Variants in COL5A2 observed in about 807,000 individuals in gnomAD.
COL5A2 encodes the protein collagen type V alpha 2 chain.
Under a neutral mutation model 208.2 loss-of-function variants are expected in COL5A2, and 23 were observed. The ratio of observed to expected loss-of-function variants is 0.11; its 90% CI spans 0.08 to 0.16. COL5A2 has a LOEUF of 0.16. Ranked by LOEUF, COL5A2 falls within the 10% of genes least tolerant of loss-of-function variation. The pLI is 1.00. For synonymous variants in COL5A2, 625 were observed against 628.5 expected (o/e 0.99, Z 0.08); for missense variants, 1,590 against 1,956.4 (o/e 0.81, Z 3.53).
At chr2:189,361,017 G>A in the COL5A2 span, among the ~76,000 whole-genome samples, 2 of 150,130 alleles carry the variant, frequency 1.3e-5, no homozygotes, top group Admixed American at 6.6e-5. Flanking sequence ...GTGACATGCC[G>A]TGTGGTCTGT....
chr2:189,242,596 A>G, the COL5A2 span, among the ~76,000 whole-genome samples: 93 of 150,596 alleles, frequency 6.2e-4, no homozygotes, highest in Non-Finnish European at 9.6e-4. Context: ...GTCTAACTCA[A>G]GTTTTGCTTC....
In COL5A2 at chr2:189,042,748, G is replaced by C. The variant is rs779028940; in HGVS notation, c.3497C>G (p.Ala1166Gly). 1.9e-6 allele frequency: 3 copies of C among 1,607,644 alleles called. No homozygotes were observed. In the East Asian group the frequency reaches 6.7e-5, roughly 36 times the overall value. ...TGGGCCAAATGGTCCAGGGATTCCA[G>C]CACTTCCTTGTTCACCATTTGGACC... is the stretch of plus-strand genomic sequence containing the variant. The part of the protein sequence containing the change: ...PPGPNGEQGS[A>G]GIPGPFGPRG... Residue 1166 changes from alanine to glycine, a missense_variant, in exon 49 of 54, where the codon GCT becomes GGT. By Grantham distance (60) the Ala-to-Gly change is moderately conservative. Transcript: ENST00000374866.
chr2:189,108,991 C>T (rs1402597273), intron 2 of COL5A2, among the ~76,000 whole-genome samples: 2 of 146,166 alleles, frequency 1.4e-5, no homozygotes, highest in South Asian at 2.1e-4. Context: ...TTTTGGTTCA[C>T]GGTAAAATGA....
chr2:189,401,031 T>C, the COL5A2 span, among the ~76,000 whole-genome samples: 1 of 130,300 alleles, frequency 7.7e-6, no homozygotes, highest in Non-Finnish European at 1.7e-5. Context: ...GCCATCACTT[T>C]CCTTGTCCGA....
chr2:189,070,983 G>A (rs1686262903), intron 18 of COL5A2, among the ~76,000 whole-genome samples: 1 of 152,208 alleles, frequency 6.6e-6, no homozygotes, highest in Non-Finnish European at 1.5e-5. Context: ...AGAGCCTACA[G>A]AATAATTTGA....
rs918877773 is a variant in COL5A2, at chr2:189,063,041, T to C, written c.1892A>G (p.Glu631Gly). The C allele has an allele frequency of 6.2e-7, 1 of 1,614,212 alleles. No homozygotes were observed. The highest frequency in any genetic ancestry group is 1.1e-5 in the South Asian group (1 of 91,088). The change falls in exon 28 of 54, where the codon GAA becomes GGA. Residue 631 changes from glutamate (E) to glycine (G), a missense_variant. Physicochemically the swap from Glu to Gly is moderately conservative, Grantham distance 98. Coordinates refer to ENST00000374866, the MANE Select transcript of COL5A2 (RefSeq NM_000393.5). Reference protein sequence around the residue: ...GSSGDPGKPGEAGNAGVPGQR... With the variant: ...GSSGDPGKPGGAGNAGVPGQR... ...CCCAGGAACTCCAGCATTTCCTGCT[T>C]CTCCAGGTTTCCCAGGGTCACCCTA...
rs766670107 is a variant in COL5A2, at chr2:189,104,292, G to C, written c.323-15C>G. The C allele has an allele frequency of 2.0e-6, 3 of 1,471,420 alleles. No individual in the cohort carries two copies. Among genetic ancestry groups the C allele is most frequent in the African/African-American group, 1.4e-5 (1 of 71,834 alleles). The allele number at this position is 1,471,420 out of a possible 1,614,324, so 91.1% of individuals were successfully genotyped here. A position where few individuals can be genotyped will look rare whatever the true frequency, so the allele number is the denominator to read the frequency against. On this transcript the variant is annotated splice_polypyrimidine_tract_variant and intron_variant, in intron 2 of 53. Coordinates refer to ENST00000374866, the MANE Select transcript of COL5A2 (RefSeq NM_000393.5). ...TCTTCCTCTACCTGTAAAAAGAAAA[G>C]AGTAAATGTGTTATTTTATGAGGAA...
At chr2:189,284,868 T>C in the COL5A2 span, among the ~76,000 whole-genome samples, 1 of 152,098 alleles carries the variant, frequency 6.6e-6, no homozygotes, top group Non-Finnish European at 1.5e-5. Context: ...CAGTCCATTG[T>C]TGACTACTGT....
intron 30 of COL5A2, 27 bp downstream of exon 30, chr2:189,061,535 G>T: frequency 6.4e-7 from 1 of 1,561,258 alleles, no homozygotes; most frequent in Non-Finnish European, 8.8e-7. Context: ...AATGGAAGAT[G>T]AAATGGAAAA....
intron 51 of COL5A2, 51 bp from the exon 52 acceptor site, chr2:189,036,854 C>T (rs192870407): frequency 7.5e-7 from 1 of 1,325,320 alleles, no homozygotes; most frequent in East Asian, 2.4e-5. Flanking sequence ...TCAATCATGA[C>T]TATAAGTCTC....
the COL5A2 span, among the ~76,000 whole-genome samples, chr2:189,381,930 A>T: frequency 2.7e-3 from 404 of 152,202 alleles, no homozygotes; most frequent in African/African-American, 9.2e-3. Flanking sequence ...TTATTGTGTC[A>T]TTAGATAATT....
At chr2:189,275,903 C>A in the COL5A2 span, among the ~76,000 whole-genome samples, 2 of 152,068 alleles carry the variant, frequency 1.3e-5, 1 homozygote. Flanking sequence ...TCTAAATACC[C>A]CCCAACTAAT....
At position 189,043,237 on chromosome 2, in the gene COL5A2, C is replaced by A; in HGVS notation, c.3385G>T (p.Asp1129Tyr). Residue 1129 changes from aspartate (D) to tyrosine (Y), a missense_variant, in exon 48 of 54, where the codon GAC becomes TAC. Transcript: ENST00000374866. ...GLPGPQGPRG[D>Y]KGDHGDRGDR... ...CCTCGGTCTCCATGATCACCTTTGT[C>A]ACCACGAGGTCCTTGGGGTCCCTAG... 1 of 1,613,646 alleles carries A rather than the reference C, an allele frequency of 6.2e-7. No individual in the cohort carries two copies. Among genetic ancestry groups the A allele is most frequent in the East Asian group, 2.2e-5 (1 of 44,856 alleles).
At chr2:189,270,169 C>A in the COL5A2 span, among the ~76,000 whole-genome samples, 12 of 152,150 alleles carry the variant, frequency 7.9e-5, no homozygotes, top group Admixed American at 7.9e-4. Flanking sequence ...TTTTGTTGAT[C>A]TTTTCAAAAA....
At chr2:189,115,407 GA>G (rs35939845) in intron 1 of COL5A2, among the ~76,000 whole-genome samples, 17,560 of 142,432 alleles carry the variant, frequency 0.12, 1,418 homozygotes, top group African/African-American at 0.23. Context: ...ACCTGTGGGG[GA>G]AAAAAAAAAA....
chr2:189,237,967 T>C, the COL5A2 span, among the ~76,000 whole-genome samples: 1 of 151,914 alleles, frequency 6.6e-6, no homozygotes, highest in African/African-American at 2.4e-5. Context: ...GAGCTAATCT[T>C]AATCAGTATT....
the COL5A2 span, among the ~76,000 whole-genome samples, chr2:189,411,812 T>C: frequency 3.5e-4 from 53 of 152,296 alleles, no homozygotes; most frequent in East Asian, 4.2e-3. Flanking sequence ...TTGGCATTTA[T>C]AGGAAAGAAA....
the COL5A2 span, among the ~76,000 whole-genome samples, chr2:189,388,515 G>A: frequency 2.6e-5 from 4 of 152,176 alleles, no homozygotes; most frequent in Non-Finnish European, 5.9e-5. Flanking sequence ...GGCTGAGCAC[G>A]TACTTGCAAG....
the COL5A2 span, among the ~76,000 whole-genome samples, chr2:189,306,784 A>C: frequency 6.6e-6 from 1 of 152,212 alleles, no homozygotes; most frequent in Admixed American, 6.5e-5. Flanking sequence ...CTTTCTTTGT[A>C]AGTTACAAGA....
Sources: gnomAD v4.1 joint callset for allele counts (sites outside exome capture counted in the v4.1 genomes callset) on GRCh38, gnomAD v4.1.1 for gene constraint, MANE v1.5 for transcripts, NCBI Gene and HGNC (gene_info 2026-07-23, HGNC 2026-07-21) for gene names.